The following CSMD1 variants were observed in gnomAD, a reference collection of about 807,000 sequenced individuals.
CSMD1 encodes the protein CUB and Sushi multiple domains 1.
A neutral mutation model predicts 417.5 loss-of-function variants in CSMD1; 213 were observed. The ratio of observed to expected loss-of-function variants is 0.51; its 90% CI spans 0.46 to 0.57. CSMD1 has a LOEUF of 0.57. Among genes scored for constraint, CSMD1 ranks in the 20% least tolerant of loss-of-function variants. CSMD1 has a pLI of 0.00. For synonymous variants in CSMD1, 2,862 were observed against 1,736.8 expected, an observed-to-expected ratio of 1.65 and a Z score of -16.11; for missense variants, 6,923 against 4,529.7, an observed-to-expected ratio of 1.53 and a Z score of -15.17.
chr8:4,174,540 T>C (rs979782637), intron 3 of CSMD1, among the ~76,000 whole-genome samples: 1 of 150,772 alleles, frequency 6.6e-6, no homozygotes, highest in Non-Finnish European at 1.5e-5. Context: ...CACCCACCTC[T>C]CAAAAGAGAT....
intron 1 of CSMD1, among the ~76,000 whole-genome samples, chr8:4,939,474 G>C (rs562633932): frequency 6.6e-6 from 1 of 152,302 alleles, no homozygotes; most frequent in South Asian, 2.1e-4. Context: ...CCTTTAAAAA[G>C]AAGACAGTCC....
intron 1 of CSMD1, among the ~76,000 whole-genome samples, chr8:4,950,306 G>T (rs971551349): frequency 1.6e-4 from 25 of 152,020 alleles, no homozygotes; most frequent in African/African-American, 5.8e-4. Flanking sequence ...GTAAGTAAAT[G>T]ATTTTCTCAA....
At chr8:4,929,200 G>C (rs1319254517) in intron 1 of CSMD1, among the ~76,000 whole-genome samples, 2 of 152,150 alleles carry the variant, frequency 1.3e-5, no homozygotes, top group African/African-American at 4.8e-5. Flanking sequence ...CAGAGCACGA[G>C]GGGACACAGT....
intron 2 of CSMD1, among the ~76,000 whole-genome samples, chr8:4,589,254 T>G (rs1048712809): frequency 6.6e-6 from 1 of 152,202 alleles, no homozygotes; most frequent in Admixed American, 6.5e-5. Context: ...AATCTAATTT[T>G]TATTTCTAAA....
intron 12 of CSMD1, among the ~76,000 whole-genome samples, chr8:3,430,384 C>G (rs1233002403): frequency 6.6e-6 from 1 of 152,024 alleles, no homozygotes; most frequent in Non-Finnish European, 1.5e-5. Context: ...AGAGTGGAAG[C>G]TGTATCTGTC....
At chr8:3,962,384 G>T (rs917287996) in intron 5 of CSMD1, among the ~76,000 whole-genome samples, 1 of 152,160 alleles carries the variant, frequency 6.6e-6, no homozygotes, top group East Asian at 1.9e-4. Flanking sequence ...CAGCACGGGC[G>T]TTGTCACCAC....
Position 3,997,895 on chromosome 8 carries a change from G to A in CSMD1, c.818+8C>T, listed in dbSNP as rs187598528. ...GTATCCTTTGTGGCATCTCTTCCCG[G>A]GACTTACCATATGGATGGAGCTTCC... On this transcript the variant is annotated splice_region_variant and intron_variant, in intron 5 of 69. Coordinates refer to ENST00000635120, the MANE Select transcript of CSMD1 (RefSeq NM_033225.6). The A allele has an allele frequency of 2.1e-4, 335 of 1,609,194 alleles. No homozygotes were observed. The African/African-American group carries it at 3.9e-3, about 19-fold the overall frequency.
At chr8:4,389,248 A>G (rs899025374) in intron 3 of CSMD1, among the ~76,000 whole-genome samples, 4 of 152,296 alleles carry the variant, frequency 2.6e-5, no homozygotes, top group Middle Eastern at 3.4e-3. Flanking sequence ...TTTGGGTCAT[A>G]TATTAAGCAT....
intron 8 of CSMD1, among the ~76,000 whole-genome samples, chr8:3,609,738 TAA>T (rs74564741): frequency 0.69 from 98,106 of 142,298 alleles, 34,072 homozygotes; most frequent in Non-Finnish European, 0.77. Context: ...TATAAGAATT[TAA>T]AAAAAAAAAA....
At chr8:3,243,352 C>G (rs997464042) in intron 26 of CSMD1, among the ~76,000 whole-genome samples, 2 of 152,158 alleles carry the variant, frequency 1.3e-5, no homozygotes, top group Non-Finnish European at 2.9e-5. Context: ...CACCACCAAA[C>G]AGGCTTTGTG....
chr8:3,919,186 A>T (rs1404053580), intron 5 of CSMD1, among the ~76,000 whole-genome samples: 1 of 2,188 alleles, frequency 4.6e-4, no homozygotes, highest in Non-Finnish European at 1.2e-3. Flanking sequence ...GTCATATCCA[A>T]AAAAAAAAAA....
intron 3 of CSMD1, among the ~76,000 whole-genome samples, chr8:4,304,863 C>T (rs1255657873): frequency 1.3e-5 from 2 of 152,158 alleles, no homozygotes; most frequent in African/African-American, 4.8e-5. Flanking sequence ...TCACCTTAAT[C>T]ATTTCACAAA....
intron 3 of CSMD1, among the ~76,000 whole-genome samples, chr8:4,352,172 T>G (rs1052590692): frequency 2.6e-5 from 4 of 152,188 alleles, no homozygotes; most frequent in Non-Finnish European, 4.4e-5. Flanking sequence ...TAAGTCCACT[T>G]AGGTTCTCAT....
At chr8:3,184,154 T>C (rs749839989) in intron 36 of CSMD1, among the ~76,000 whole-genome samples, 3 of 152,204 alleles carry the variant, frequency 2.0e-5, no homozygotes, top group Non-Finnish European at 4.4e-5. Flanking sequence ...TTTTTCTTGC[T>C]TCAAGAGGCT....
chr8:3,155,198 G>C (rs766344753), intron 39 of CSMD1, among the ~76,000 whole-genome samples: 1 of 151,852 alleles, frequency 6.6e-6, no homozygotes, highest in Non-Finnish European at 1.5e-5. Context: ...GCTTAGAATT[G>C]ATTTCATTGT....
rs143600867 is a variant in CSMD1, at chr8:3,283,226, A to T, written c.4153+918T>A. Among the ~76,000 whole-genome samples, 11 of 152,226 alleles carry T rather than the reference A, an allele frequency of 7.2e-5. No individual in the cohort carries two copies. In the East Asian group the frequency reaches 2.1e-3, roughly 30 times the overall value. ...GACCGTCCTGAACCGGGAAGTTGCAAGCAGAGAATCAAAGCGTGTTTGATT... is the reference window on the plus strand; with the variant it reads ...GACCGTCCTGAACCGGGAAGTTGCATGCAGAGAATCAAAGCGTGTTTGATT... On this transcript the variant is annotated intron_variant, in intron 26 of 69. Coordinates refer to ENST00000635120, the MANE Select transcript of CSMD1 (RefSeq NM_033225.6).
intron 8 of CSMD1, among the ~76,000 whole-genome samples, chr8:3,604,717 G>A (rs1333555078): frequency 2.0e-5 from 3 of 152,126 alleles, no homozygotes; most frequent in Non-Finnish European, 1.5e-5. Flanking sequence ...TCTGCATCAG[G>A]AGAGAAACAT....
intron 23 of CSMD1, among the ~76,000 whole-genome samples, chr8:3,333,164 G>A (rs1215448209): frequency 2.6e-5 from 4 of 152,038 alleles, no homozygotes; most frequent in Non-Finnish European, 2.9e-5. Context: ...GCCTGAAGAG[G>A]CCCCTGACAC....
At chr8:2,961,400 G>A (rs554311708) in intron 61 of CSMD1, among the ~76,000 whole-genome samples, 186 bp from the exon 62 acceptor site, 1 of 152,166 alleles carries the variant, frequency 6.6e-6, no homozygotes, top group East Asian at 1.9e-4. Flanking sequence ...ATGTTTTTTA[G>A]ATGTTAACTT....
Sources: allele counts gnomAD v4.1 joint callset (sites outside exome capture counted in the v4.1 genomes callset), GRCh38; gene constraint gnomAD v4.1.1; transcripts MANE v1.5; gene names NCBI Gene and HGNC (gene_info 2026-07-23, HGNC 2026-07-21).